The following KDM2B variants were observed in gnomAD, a reference collection of about 807,000 sequenced individuals.
The protein encoded by KDM2B is lysine-specific demethylase 2B.
KDM2B carries 26 observed loss-of-function variants against 150.0 expected under a neutral mutation model. The ratio of observed to expected loss-of-function variants is 0.17; its 90% CI spans 0.13 to 0.24. The LOEUF is 0.24. Among genes scored for constraint, KDM2B ranks in the 10% least tolerant of loss-of-function variants. KDM2B has a pLI of 1.00. For missense variants in KDM2B, 1,265 were observed against 1,816.9 expected (o/e 0.70, Z 5.52); for synonymous variants, 734 against 729.5 (o/e 1.01, Z -0.10).
At chr12:121,477,945 G>T (rs922849770) in intron 12 of KDM2B, among the ~76,000 whole-genome samples, 1 of 151,286 alleles carries the variant, frequency 6.6e-6, no homozygotes, top group Non-Finnish European at 1.5e-5. Flanking sequence ...ATCTCATTAT[G>T]TTGCCCAGGC....
chr12:121,571,881 G>A (rs1174299665), intron 4 of KDM2B, among the ~76,000 whole-genome samples: 1 of 151,524 alleles, frequency 6.6e-6, no homozygotes, highest in Non-Finnish European at 1.5e-5. Context: ...TCAAACTCCT[G>A]ACCTTGTGAT....
At chr12:121,578,972 C>G (rs781908521) in intron 1 of KDM2B, 26 bp from the exon 2 acceptor site, 1 of 1,604,960 alleles carries the variant, frequency 6.2e-7, no homozygotes, top group Non-Finnish European at 8.5e-7. Context: ...CCAGAGAGCC[C>G]GGGACATTAT....
chr12:121,556,517 A>G (rs1889912205), intron 4 of KDM2B, among the ~76,000 whole-genome samples: 1 of 152,228 alleles, frequency 6.6e-6, no homozygotes. Context: ...TGCTTCCTGT[A>G]CAGCCTGCAG....
intron 19 of KDM2B, 145 bp from the exon 20 acceptor site, chr12:121,441,378 C>G (rs1875007013): frequency 4.3e-6 from 3 of 700,788 alleles, no homozygotes; most frequent in South Asian, 4.0e-5. Flanking sequence ...TAGCACCTAT[C>G]CTGCCCCCAC....
At chr12:121,566,659 G>A (rs1361414937) in intron 4 of KDM2B, among the ~76,000 whole-genome samples, 1 of 151,654 alleles carries the variant, frequency 6.6e-6, no homozygotes, top group African/African-American at 2.4e-5. Flanking sequence ...AGCCGGGCAT[G>A]GTGGCCGGCA....
At chr12:121,534,930 C>T (rs552351796) in intron 6 of KDM2B, among the ~76,000 whole-genome samples, 1 of 152,164 alleles carries the variant, frequency 6.6e-6, no homozygotes. Context: ...TGCCCTCCCC[C>T]AGTTAGAGGC....
At chr12:121,555,918 GTTTT>G (rs1213561728) in intron 4 of KDM2B, among the ~76,000 whole-genome samples, 1 of 150,712 alleles carries the variant, frequency 6.6e-6, no homozygotes, top group African/African-American at 2.4e-5. Context: ...TTTTTGTTTT[GTTTT>G]TTTTGTTTTT....
the KDM2B span, chr12:121,420,226 C>T: frequency 1.2e-5 from 19 of 1,607,640 alleles, no homozygotes; most frequent in Admixed American, 1.7e-5. Context: ...TAATCAGATA[C>T]GTTGTATAAG....
chr12:121,483,886 A>T (rs1882445893), intron 12 of KDM2B, among the ~76,000 whole-genome samples: 1 of 151,998 alleles, frequency 6.6e-6, no homozygotes, highest in East Asian at 1.9e-4. Context: ...GATTGACAAA[A>T]CGTAAACAGG....
intron 4 of KDM2B, among the ~76,000 whole-genome samples, chr12:121,551,778 C>T (rs927448575): frequency 6.6e-6 from 1 of 152,066 alleles, no homozygotes; most frequent in African/African-American, 2.4e-5. Context: ...GTCTTGAACT[C>T]CTGACCTCAA....
chr12:121,555,696 ATAAG>A (rs1213225619), intron 4 of KDM2B, among the ~76,000 whole-genome samples: 1 of 152,192 alleles, frequency 6.6e-6, no homozygotes, highest in Non-Finnish European at 1.5e-5. Context: ...AAGAATATAA[ATAAG>A]TAAGTGATAT....
intron 12 of KDM2B, among the ~76,000 whole-genome samples, chr12:121,465,753 T>C (rs78289224): frequency 0.076 from 11,626 of 152,232 alleles, 622 homozygotes; most frequent in South Asian, 0.24. Flanking sequence ...TGACACAGAA[T>C]ACTGACATCC....
intron 6 of KDM2B, among the ~76,000 whole-genome samples, chr12:121,540,754 CAAAAAAAAAAAA>C (rs60199948): frequency 1.6e-5 from 1 of 64,500 alleles, no homozygotes. Context: ...GACTCTGTCT[CAAAAAAAAAAAA>C]AAAAAAAAAA....
At chr12:121,436,414 G>A (rs1159914388) in intron 22 of KDM2B, among the ~76,000 whole-genome samples, 3 of 152,130 alleles carry the variant, frequency 2.0e-5, no homozygotes, top group Non-Finnish European at 2.9e-5. Flanking sequence ...CCAGCTACTC[G>A]GGAGGCTGAG....
chr12:121,471,682 A>C (rs1880785830), intron 12 of KDM2B, among the ~76,000 whole-genome samples: 1 of 152,200 alleles, frequency 6.6e-6, no homozygotes. Context: ...CTCCAGCGTG[A>C]AACCCCTTTC....
At chr12:121,538,072 C>T (rs1239069771) in intron 6 of KDM2B, among the ~76,000 whole-genome samples, 2 of 151,604 alleles carry the variant, frequency 1.3e-5, no homozygotes, top group African/African-American at 2.4e-5. Flanking sequence ...CGCGGGGCCC[C>T]CGCTCGCTGC....
In KDM2B at chr12:121,443,038, G is replaced by A. The variant is rs782719137; in HGVS notation, c.2566-8C>T. 4 of 1,611,192 alleles carry A rather than the reference G, an allele frequency of 2.5e-6. No individual in the cohort carries two copies. Among genetic ancestry groups the A allele is most frequent in the African/African-American group, 1.3e-5 (1 of 74,758 alleles). ...TTCTTTGCCAGGTTTGAGCTGTCAC[G>A]AAAAAGAAAGGACGCAGAGCTTGCT... On this transcript the variant is annotated splice_polypyrimidine_tract_variant and splice_region_variant and intron_variant, in intron 17 of 22. Coordinates refer to ENST00000377071, the MANE Select transcript of KDM2B (RefSeq NM_032590.5).
intron 22 of KDM2B, among the ~76,000 whole-genome samples, chr12:121,438,361 C>T (rs1874363477): frequency 6.6e-6 from 1 of 152,092 alleles, no homozygotes; most frequent in African/African-American, 2.4e-5. Flanking sequence ...TGCATGCACA[C>T]ACACAGCATG....
chr12:121,504,531 A>G (rs2140681017), intron 11 of KDM2B, among the ~76,000 whole-genome samples: 1 of 152,050 alleles, frequency 6.6e-6, no homozygotes, highest in South Asian at 2.1e-4. Context: ...TGAGACCCCC[A>G]TCTCAAAAAA....
Sources: gnomAD v4.1 joint callset for allele counts (sites outside exome capture counted in the v4.1 genomes callset) on GRCh38, gnomAD v4.1.1 for gene constraint, MANE v1.5 for transcripts, NCBI Gene and HGNC (gene_info 2026-07-23, HGNC 2026-07-21) for gene names.